SDK1: variants seen among roughly 807,000 people sequenced by gnomAD.
The protein encoded by SDK1 is sidekick cell adhesion molecule 1.
Under a neutral mutation model 245.5 loss-of-function variants are expected in SDK1, and 157 were observed. That is an observed-to-expected ratio of 0.64 (90% CI 0.56 to 0.73). The LOEUF (loss-of-function observed/expected upper bound fraction) is 0.73, where lower values mean the gene tolerates loss of function less well. Ranked by LOEUF, SDK1 falls within the 30% of genes least tolerant of loss-of-function variation. The pLI is 0.00. For missense variants in SDK1, 3,583 were observed against 3,002.3 expected, an observed-to-expected ratio of 1.19 and a Z score of -4.52; for synonymous variants, 1,647 against 1,278.5, an observed-to-expected ratio of 1.29 and a Z score of -6.15.
At chr7:4,116,087 C>A (rs1783688534) in intron 25 of SDK1, among the ~76,000 whole-genome samples, 1 of 152,114 alleles carries the variant, frequency 6.6e-6, no homozygotes. Flanking sequence ...GGGCCCAGGG[C>A]TCCCGGGCCT....
chr7:3,478,331 C>G (rs1462641155), intron 1 of SDK1, among the ~76,000 whole-genome samples: 1 of 151,956 alleles, frequency 6.6e-6, no homozygotes, highest in South Asian at 2.1e-4. Flanking sequence ...GATAGATTCA[C>G]TCCATCCCTT....
rs529627020 is a variant in SDK1 at position 4,079,511 on chromosome 7, G to A, written c.3251G>A (p.Arg1084His). 23 of 1,614,156 alleles carry A rather than the reference G, an allele frequency of 1.4e-5. No individual in the cohort carries two copies. Among genetic ancestry groups the A allele is most frequent in the East Asian group, 1.1e-4 (5 of 44,878 alleles). ...SNLVISNISP[R>H]SATLQFRPGY... Reference sequence around the variant, plus strand: ...CTGGTCATTTCCAACATCAGCCCTCGCTCCGCCACCCTTCAGTTCCGGCCA... The same window carrying A: ...CTGGTCATTTCCAACATCAGCCCTCACTCCGCCACCCTTCAGTTCCGGCCA... Residue 1084 changes from arginine (R) to histidine (H), a missense_variant, in exon 22 of 45, where the codon CGC becomes CAC. By Grantham distance (29) the Arg-to-His change is conservative (BLOSUM62 0). Coordinates refer to ENST00000404826, the MANE Select transcript of SDK1 (RefSeq NM_152744.4).
chr7:3,557,996 C>G (rs935042253), intron 1 of SDK1, among the ~76,000 whole-genome samples: 1 of 151,054 alleles, frequency 6.6e-6, no homozygotes, highest in Non-Finnish European at 1.5e-5. Flanking sequence ...TTTTGTTTCC[C>G]TCCCCCACCC....
intron 1 of SDK1, among the ~76,000 whole-genome samples, chr7:3,543,282 T>C (rs929601680): frequency 9.9e-5 from 15 of 152,282 alleles, no homozygotes; most frequent in African/African-American, 3.1e-4. Flanking sequence ...ATAGATCCCA[T>C]TCTTCTTGGC....
rs1476402366 is a variant in SDK1, at chr7:3,398,258, A to G, written c.298+96374A>G. ...GCCTTAAGTAGAGTCTGTACCTTGC[A>G]GCTATTTTAGTTGTAATCCACTGTT... On this transcript the variant is annotated intron_variant, in intron 1 of 44. Transcript: ENST00000404826. Among the ~76,000 whole-genome samples, 3 of 151,988 alleles carry G rather than the reference A, an allele frequency of 2.0e-5. No homozygotes were observed. In the South Asian group the frequency reaches 6.2e-4, roughly 31 times the overall value.
At chr7:4,138,230 C>G (rs529337607) in intron 28 of SDK1, among the ~76,000 whole-genome samples, 1 of 152,306 alleles carries the variant, frequency 6.6e-6, no homozygotes, top group East Asian at 1.9e-4. Flanking sequence ...GCCAGGCCTG[C>G]ATCCTAAAGG....
At chr7:3,426,283 GAAGGGTGCTAAGTGCGTCACTGAGTGAT>G (rs1385018314) in intron 1 of SDK1, among the ~76,000 whole-genome samples, 2 of 152,176 alleles carry the variant, frequency 1.3e-5, no homozygotes, top group Non-Finnish European at 2.9e-5. Flanking sequence ...CTGCAGCATG[GAAGGGTGCTAAGTGCGTCACTGAGTGAT>G]AAGGGTGCTA....
intron 4 of SDK1, among the ~76,000 whole-genome samples, chr7:3,742,105 A>G (rs904455645): frequency 7.3e-5 from 11 of 150,340 alleles, no homozygotes; most frequent in Non-Finnish European, 4.4e-5. Context: ...TTTTGTTTTC[A>G]TACATCTGGT....
chr7:4,260,889 G>A lies in SDK1; in HGVS notation c.6382-4235G>A, dbSNP rs531376329. ...ACCTGATGGAGAAGCTGGCTGCTCC[G>A]GGGTCTCGGTGTGTGTGGGAAGATG... On this transcript the variant is annotated intron_variant, in intron 44 of 44. Coordinates refer to ENST00000404826, the MANE Select transcript of SDK1 (RefSeq NM_152744.4). 1.7e-3 allele frequency among the ~76,000 whole-genome samples: 260 copies of A among 152,030 alleles called. 1 individual carries two copies. The highest frequency in any genetic ancestry group is 5.9e-3 in the African/African-American group (246 of 41,412).
intron 5 of SDK1, among the ~76,000 whole-genome samples, chr7:3,865,340 C>G (rs1780795103): frequency 6.6e-6 from 1 of 152,156 alleles, no homozygotes; most frequent in Non-Finnish European, 1.5e-5. Flanking sequence ...GGCATTTCAT[C>G]CCACTCCCTT....
intron 1 of SDK1, among the ~76,000 whole-genome samples, chr7:3,347,307 G>C (rs562259564): frequency 6.6e-6 from 1 of 152,094 alleles, no homozygotes; most frequent in South Asian, 2.1e-4. Flanking sequence ...ATATGGAGCA[G>C]TATTTTTATA....
chr7:4,265,212 A>G lies in SDK1; in HGVS notation c.6470A>G (p.Lys2157Arg). 1 of 1,610,930 alleles carries G rather than the reference A, an allele frequency of 6.2e-7. No homozygotes were observed. Among genetic ancestry groups the G allele is most frequent in the South Asian group, 1.1e-5 (1 of 90,994 alleles). The change falls in exon 45 of 45, where the codon AAG (lysine) becomes AGG (arginine). Residue 2157 changes from lysine to arginine, a missense_variant. Transcript: ENST00000404826. ...GACCCCACCTACTACAACTCATGGA[A>G]GCGCAGGGCCCAGGGCCGCGCACCT... ...MSDPTYYNSW[K>R]RRAQGRAPAP...
chr7:3,457,647 C>A (rs911664640), intron 1 of SDK1, among the ~76,000 whole-genome samples: 2 of 152,188 alleles, frequency 1.3e-5, no homozygotes, highest in Non-Finnish European at 2.9e-5. Context: ...TATGGCCAAA[C>A]TTGTTGACTG....
intron 1 of SDK1, among the ~76,000 whole-genome samples, chr7:3,542,290 C>T (rs888464011): frequency 1.3e-5 from 2 of 152,160 alleles, no homozygotes; most frequent in African/African-American, 4.8e-5. Context: ...CATATTAGAA[C>T]TTAGGGCATA....
At position 3,361,225 on chromosome 7, in the gene SDK1, T is replaced by C. The variant is rs185640923; in HGVS notation, c.298+59341T>C. Among the ~76,000 whole-genome samples the C allele has an allele frequency of 2.8e-4, 42 of 152,324 alleles. 1 individual carries two copies. The East Asian group carries it at 7.1e-3, about 26-fold the overall frequency. On this transcript the variant is annotated intron_variant, in intron 1 of 44. Coordinates refer to ENST00000404826, the MANE Select transcript of SDK1 (RefSeq NM_152744.4). ...CTTCGGGAGATTGAAACGGGAGGAT[T>C]GCACTCGCATCTGGATAACAGAGTG... is the stretch of plus-strand genomic sequence containing the variant.
intron 4 of SDK1, among the ~76,000 whole-genome samples, chr7:3,731,430 C>T (rs1203884395): frequency 6.6e-6 from 1 of 152,216 alleles, no homozygotes; most frequent in African/African-American, 2.4e-5. Context: ...CATCACTCTG[C>T]CATTGCTGGT....
chr7:3,367,508 A>G (rs562050730), intron 1 of SDK1, among the ~76,000 whole-genome samples: 4 of 152,284 alleles, frequency 2.6e-5, no homozygotes, highest in African/African-American at 7.2e-5. Flanking sequence ...CCGGCATTTC[A>G]TCTATCCCAT....
intron 5 of SDK1, among the ~76,000 whole-genome samples, chr7:3,902,790 C>T (rs1262145172): frequency 6.6e-6 from 1 of 152,146 alleles, no homozygotes; most frequent in African/African-American, 2.4e-5. Flanking sequence ...CTGGTATATC[C>T]TTTCTATGTT....
intron 2 of SDK1, among the ~76,000 whole-genome samples, chr7:3,637,078 CGT>C (rs1296323393): frequency 2.8e-5 from 4 of 143,212 alleles, no homozygotes; most frequent in Non-Finnish European, 6.0e-5. Flanking sequence ...AGAGAGAGTG[CGT>C]GCGCGCGTGT....
Sources: allele counts gnomAD v4.1 joint callset (sites outside exome capture counted in the v4.1 genomes callset), GRCh38; gene constraint gnomAD v4.1.1; transcripts MANE v1.5; gene names NCBI Gene and HGNC (gene_info 2026-07-23, HGNC 2026-07-21).